The following SLAIN2 variants were observed in gnomAD, a reference collection of about 807,000 sequenced individuals.
The protein encoded by SLAIN2 is SLAIN motif-containing protein 2.
Under a neutral mutation model 56.6 loss-of-function variants are expected in SLAIN2, and 31 were observed. The observed-to-expected ratio is 0.55, with a 90% CI of 0.41 to 0.74. The LOEUF is 0.74. Among genes scored for constraint, SLAIN2 ranks in the 30% least tolerant of loss-of-function variants. SLAIN2 has a pLI of 0.00. For synonymous variants in SLAIN2, 317 were observed against 284.9 expected (o/e 1.11, Z -1.13); for missense variants, 777 against 754.2 (o/e 1.03, Z -0.35).
intron 2 of SLAIN2, among the ~76,000 whole-genome samples, chr4:48,375,137 A>AAAAAG (rs1346858301): frequency 6.6e-5 from 10 of 152,336 alleles, no homozygotes; most frequent in Middle Eastern, 3.4e-3. Flanking sequence ...AAAAAGGCTT[A>AAAAAG]GAACTTGGAA....
Position 48,373,573 on chromosome 4 carries a change from G to C in SLAIN2, c.538+3576G>C, listed in dbSNP as rs148065432. Among the ~76,000 whole-genome samples the C allele has an allele frequency of 3.7e-3, 568 of 151,810 alleles. 4 individuals are homozygous for C. Among genetic ancestry groups the C allele is most frequent in the African/African-American group, 0.013 (526 of 41,336 alleles). On this transcript the variant is annotated intron_variant, in intron 2 of 7. Coordinates refer to ENST00000264313, the MANE Select transcript of SLAIN2 (RefSeq NM_020846.2). ...TATAAAGAAAAATGAACACTGTACT[G>C]GCACTTAATGGAGTTTATCATCTAG...
At chr4:48,401,687 G>T (rs1716561086) in intron 6 of SLAIN2, among the ~76,000 whole-genome samples, 1 of 152,066 alleles carries the variant, frequency 6.6e-6, no homozygotes, top group South Asian at 2.1e-4. Context: ...TGTGAGATGG[G>T]TCGCTTGAAG....
At position 48,383,636 on chromosome 4, in the gene SLAIN2, T is replaced by C; in HGVS notation, c.1223-11T>C. ...GAATATGATTTTTTTAAAATTAAAA[T>C]TCTGTTGCAGAAAAACTAAGACGCA... On this transcript the variant is annotated splice_polypyrimidine_tract_variant and intron_variant, in intron 5 of 7. Coordinates refer to ENST00000264313, the MANE Select transcript of SLAIN2 (RefSeq NM_020846.2). 1 of 1,504,282 alleles carries C rather than the reference T, an allele frequency of 6.6e-7. No homozygotes were observed. Among genetic ancestry groups the C allele is most frequent in the Non-Finnish European group, 8.9e-7 (1 of 1,118,646 alleles). 93.2% of individuals were successfully genotyped at this position (1,504,282 alleles called of 1,614,324 possible).
At chr4:48,369,826 T>C (rs1194453335) in intron 1 of SLAIN2, 23 bp from the exon 2 acceptor site, 4 of 1,600,138 alleles carry the variant, frequency 2.5e-6, no homozygotes, top group Non-Finnish European at 3.4e-6. Context: ...AGGAATTTTC[T>C]GTTTTTTGTT....
At chr4:48,349,576 G>A (rs961182791) in intron 1 of SLAIN2, among the ~76,000 whole-genome samples, 4 of 152,194 alleles carry the variant, frequency 2.6e-5, no homozygotes, top group Admixed American at 6.5e-5. Context: ...GATTACAGAA[G>A]CACTTTGTTT....
chr4:48,391,260 TTCTC>T (rs565200124), intron 6 of SLAIN2, among the ~76,000 whole-genome samples: 431 of 152,310 alleles, frequency 2.8e-3, no homozygotes, highest in African/African-American at 9.5e-3. Context: ...GCTACCAACT[TTCTC>T]TTGAAAGGAA....
At chr4:48,391,825 A>G (rs937642558) in intron 6 of SLAIN2, among the ~76,000 whole-genome samples, 1 of 152,272 alleles carries the variant, frequency 6.6e-6, no homozygotes, top group African/African-American at 2.4e-5. Flanking sequence ...AATTTGAGCT[A>G]GAATGACTTG....
chr4:48,387,168 T>C (rs1223500775), intron 6 of SLAIN2, among the ~76,000 whole-genome samples: 1 of 152,134 alleles, frequency 6.6e-6, no homozygotes, highest in African/African-American at 2.4e-5. Context: ...ATGTCAAAGC[T>C]TTATGGAAAT....
At chr4:48,380,546 C>G (rs568173681) in intron 4 of SLAIN2, among the ~76,000 whole-genome samples, 1 of 152,254 alleles carries the variant, frequency 6.6e-6, no homozygotes, top group East Asian at 1.9e-4. Flanking sequence ...CTTTGAGAAT[C>G]CTTTTATCAT....
At chr4:48,418,866 A>G (rs867393514) in intron 6 of SLAIN2, among the ~76,000 whole-genome samples, 2 of 150,906 alleles carry the variant, frequency 1.3e-5, no homozygotes, top group Non-Finnish European at 3.0e-5. Flanking sequence ...GTGTGTGTGT[A>G]TGTACACACG....
At chr4:48,375,008 G>A (rs1715766713) in intron 2 of SLAIN2, among the ~76,000 whole-genome samples, 2 of 152,224 alleles carry the variant, frequency 1.3e-5, no homozygotes, top group Admixed American at 6.5e-5. Context: ...TAGGTCTGAA[G>A]CTCAGAGGAA....
chr4:48,363,897 G>A (rs1272739172), intron 1 of SLAIN2, among the ~76,000 whole-genome samples: 51 of 122,330 alleles, frequency 4.2e-4, no homozygotes, highest in East Asian at 8.0e-4. Flanking sequence ...CTCACCTCCC[G>A]GACGGCACGG....
Position 48,342,092 on chromosome 4 carries a change from A to G in SLAIN2, c.353A>G (p.Glu118Gly). The change falls in exon 1 of 8, where the codon GAG (glutamate) becomes GGG (glycine). Residue 118 changes from glutamate (E) to glycine (G), a missense_variant. Transcript: ENST00000264313. ...GAGCCGCTGCGGCCCGACGAGCTGG[A>G]GCGCCTGTCAGGCTGGGAGGAGGAG... ...EVEPLRPDEL[E>G]RLSGWEEEEE... 4 of 1,364,608 alleles carry G rather than the reference A, an allele frequency of 2.9e-6. No homozygotes were observed. Among genetic ancestry groups the G allele is most frequent in the Non-Finnish European group, 3.8e-6 (4 of 1,065,988 alleles). The allele number at this position is 1,364,608 out of a possible 1,614,324, so 84.5% of individuals were successfully genotyped here. A position where few individuals can be genotyped will look rare whatever the true frequency, so the allele number is the denominator to read the frequency against.
chr4:48,409,015 G>A (rs1312907170), intron 6 of SLAIN2, among the ~76,000 whole-genome samples: 1 of 152,084 alleles, frequency 6.6e-6, no homozygotes, highest in Non-Finnish European at 1.5e-5. Context: ...ATGCTGTATT[G>A]GTTTGTAGCC....
chr4:48,370,501 T>C (rs1261573188), intron 2 of SLAIN2, among the ~76,000 whole-genome samples: 1 of 152,256 alleles, frequency 6.6e-6, no homozygotes, highest in Non-Finnish European at 1.5e-5. Context: ...TTAAGTGTTA[T>C]GTGAAAGAGC....
rs533783153 is a variant in SLAIN2 at position 48,407,635 on chromosome 4, C to T, written c.1361-12490C>T. Among the ~76,000 whole-genome samples, 12 of 152,238 alleles carry T rather than the reference C, an allele frequency of 7.9e-5. No homozygotes were observed. The South Asian group carries it at 2.5e-3, about 32-fold the overall frequency. On this transcript the variant is annotated intron_variant, in intron 6 of 7. Coordinates refer to ENST00000264313, the MANE Select transcript of SLAIN2 (RefSeq NM_020846.2). ...TACTAATTTTATGGTTCTTAGCTCT[C>T]TCTCGTATTTGGAAGTGTTCAGAAA...
intron 1 of SLAIN2, among the ~76,000 whole-genome samples, chr4:48,365,764 C>T (rs536788999): frequency 2.0e-4 from 31 of 152,098 alleles, no homozygotes; most frequent in African/African-American, 5.3e-4. Flanking sequence ...GGTTTTGCCA[C>T]GTTGGCCAGG....
chr4:48,391,286 G>T (rs1245989265), intron 6 of SLAIN2, among the ~76,000 whole-genome samples: 7 of 152,160 alleles, frequency 4.6e-5, no homozygotes, highest in Non-Finnish European at 1.5e-5. Flanking sequence ...ATGTGTAGTG[G>T]AATCCACCTG....
At chr4:48,359,690 G>A (rs1342804396) in intron 1 of SLAIN2, among the ~76,000 whole-genome samples, 3 of 152,164 alleles carry the variant, frequency 2.0e-5, no homozygotes, top group Non-Finnish European at 4.4e-5. Flanking sequence ...ATTACTGAAA[G>A]TTATTACACT....
Sources: gnomAD v4.1 joint callset for allele counts (sites outside exome capture counted in the v4.1 genomes callset) on GRCh38, gnomAD v4.1.1 for gene constraint, MANE v1.5 for transcripts, NCBI Gene and HGNC (gene_info 2026-07-23, HGNC 2026-07-21) for gene names.